The following PCDH11Y variants were observed in gnomAD, a reference collection of about 807,000 sequenced individuals.
PCDH11Y encodes the protein protocadherin 11 Y-linked.
For synonymous variants in PCDH11Y, 9 were observed against 83.6 expected, an observed-to-expected ratio of 0.11 and a Z score of 4.87; for missense variants, 12 against 224.8, an observed-to-expected ratio of 0.05 and a Z score of 6.05.
At chrY:5,003,739 TA>T in intron 1 of PCDH11Y, among the ~76,000 whole-genome samples, 1 of 33,560 alleles carries the variant, frequency 3.0e-5, no homozygotes, top group Non-Finnish European at 7.4e-5. Context: ...CTTATAGTCC[TA>T]AGGAGCAAGC....
chrY:5,030,342 C>A, intron 1 of PCDH11Y, among the ~76,000 whole-genome samples: 1 of 33,569 alleles, frequency 3.0e-5, no homozygotes, highest in Non-Finnish European at 7.4e-5. Context: ...CTTATTTCCA[C>A]GTTGATCATA....
intron 2 of PCDH11Y, among the ~76,000 whole-genome samples, chrY:5,234,811 T>G: frequency 3.2e-5 from 1 of 30,818 alleles, no homozygotes; most frequent in Non-Finnish European, 7.8e-5. Flanking sequence ...AATGATCAAC[T>G]GTCATTTAAA....
intron 1 of PCDH11Y, among the ~76,000 whole-genome samples, chrY:5,027,078 G>C: frequency 9.4e-5 from 3 of 31,782 alleles, no homozygotes; most frequent in Admixed American, 8.9e-4. Flanking sequence ...GGGGAACATA[G>C]TGAGACCCTG....
At chrY:5,001,482 T>C in intron 1 of PCDH11Y, among the ~76,000 whole-genome samples, 1 of 34,024 alleles carries the variant, frequency 2.9e-5, no homozygotes, top group African/African-American at 1.1e-4. Context: ...ACCTATCCCA[T>C]AAATAGATGG....
intron 2 of PCDH11Y, among the ~76,000 whole-genome samples, chrY:5,336,295 G>A (rs34409071): frequency 3.2e-5 from 1 of 31,322 alleles, no homozygotes; most frequent in Non-Finnish European, 7.7e-5. Flanking sequence ...TATTTGAGAC[G>A]GAGTCTCACT....
intron 2 of PCDH11Y, among the ~76,000 whole-genome samples, chrY:5,209,920 G>T (rs2052936599): frequency 3.0e-5 from 1 of 33,010 alleles, no homozygotes; most frequent in Admixed American, 2.7e-4. Flanking sequence ...AAATTAGCTG[G>T]GTGTGGTGGC....
At chrY:5,272,228 TTTG>T (rs2053037958) in intron 2 of PCDH11Y, among the ~76,000 whole-genome samples, 2 of 32,853 alleles carry the variant, frequency 6.1e-5, no homozygotes, top group East Asian at 1.6e-3. Flanking sequence ...TTTTCTACTT[TTTG>T]TTGTTGTTGT....
chrY:5,206,301 T>C (rs2052932314), intron 2 of PCDH11Y, among the ~76,000 whole-genome samples: 1 of 30,264 alleles, frequency 3.3e-5, no homozygotes, highest in Non-Finnish European at 7.9e-5. Flanking sequence ...CTTATGTGGA[T>C]GGCAGCAGGC....
intron 2 of PCDH11Y, among the ~76,000 whole-genome samples, chrY:5,201,230 T>G: frequency 6.1e-5 from 2 of 32,717 alleles, no homozygotes; most frequent in African/African-American, 2.4e-4. Context: ...ACTTGTTCAG[T>G]TAGCTTATTC....
At chrY:5,316,961 T>C in intron 2 of PCDH11Y, among the ~76,000 whole-genome samples, 1 of 33,106 alleles carries the variant, frequency 3.0e-5, no homozygotes, top group East Asian at 8.1e-4. Flanking sequence ...GTCTTAGTTA[T>C]TTTAGAAAGT....
intron 2 of PCDH11Y, among the ~76,000 whole-genome samples, chrY:5,139,648 CAAAAAA>C (rs3884264): frequency 8.6e-4 from 4 of 4,658 alleles, no homozygotes; most frequent in Non-Finnish European, 2.0e-3. Flanking sequence ...ACAGCAGCTG[CAAAAAA>C]AAAAAAAAAA....
chrY:5,215,515 G>T (rs2052944787), intron 2 of PCDH11Y, among the ~76,000 whole-genome samples: 1 of 25,481 alleles, frequency 3.9e-5, no homozygotes, highest in East Asian at 1.1e-3. Flanking sequence ...ACAGGGTTGT[G>T]CCTGGCAATA....
intron 2 of PCDH11Y, among the ~76,000 whole-genome samples, chrY:5,331,652 C>A: frequency 3.0e-5 from 1 of 33,259 alleles, no homozygotes; most frequent in Non-Finnish European, 7.4e-5. Flanking sequence ...CCCTTCAATC[C>A]CCCTCCTCAA....
At chrY:5,003,415 A>T (rs1602833567) in intron 1 of PCDH11Y, among the ~76,000 whole-genome samples, 12 of 31,684 alleles carry the variant, frequency 3.8e-4, no homozygotes, top group African/African-American at 9.7e-4. Context: ...CGCCTCTTTA[A>T]AAAAAAAACC....
At chrY:5,413,999 C>A (rs2053250769) in intron 2 of PCDH11Y, among the ~76,000 whole-genome samples, 1 of 32,830 alleles carries the variant, frequency 3.0e-5, no homozygotes, top group Non-Finnish European at 7.5e-5. Flanking sequence ...TTTTCTTTAT[C>A]TAGCTAGCAG....
chrY:5,481,183 C>T, intron 2 of PCDH11Y, among the ~76,000 whole-genome samples: 4 of 32,722 alleles, frequency 1.2e-4, no homozygotes, highest in Non-Finnish European at 2.2e-4. Context: ...GGTATAGGCA[C>T]AGGAGGGAAT....
At chrY:5,199,579 G>T in intron 2 of PCDH11Y, among the ~76,000 whole-genome samples, 1 of 32,443 alleles carries the variant, frequency 3.1e-5, no homozygotes, top group Non-Finnish European at 7.5e-5. Flanking sequence ...GAGCCGCCAC[G>T]CCTGGCCTTT....
intron 2 of PCDH11Y, among the ~76,000 whole-genome samples, chrY:5,198,142 AC>A (rs2052922959): frequency 3.9e-5 from 1 of 25,653 alleles, no homozygotes; most frequent in Admixed American, 3.7e-4. Context: ...AGTATATACA[AC>A]TTTTTTTTTT....
At chrY:5,157,438 C>T (rs1602877681) in intron 2 of PCDH11Y, among the ~76,000 whole-genome samples, 4 of 31,682 alleles carry the variant, frequency 1.3e-4, no homozygotes, top group Admixed American at 5.8e-4. Context: ...ATGGCCCTTT[C>T]GTTGAATGTG....
Sources: allele counts gnomAD v4.1 joint callset (sites outside exome capture counted in the v4.1 genomes callset), GRCh38; gene constraint gnomAD v4.1.1; transcripts MANE v1.5; gene names NCBI Gene and HGNC (gene_info 2026-07-23, HGNC 2026-07-21).